The following SMOC2 variants were observed in gnomAD, a reference collection of about 807,000 sequenced individuals.
SMOC2 encodes the protein SPARC-related modular calcium-binding protein 2.
SMOC2 carries 39 observed loss-of-function variants against 61.4 expected under a neutral mutation model. The observed-to-expected ratio is 0.64, with a 90% CI of 0.49 to 0.83. SMOC2 has a LOEUF of 0.83. SMOC2 is among the 40% of genes least tolerant of loss of function. The pLI, the probability that SMOC2 is intolerant of heterozygous loss-of-function variation, is 0.00. For missense variants in SMOC2, 556 were observed against 592.9 expected, an observed-to-expected ratio of 0.94 and a Z score of 0.65; for synonymous variants, 247 against 239.9, an observed-to-expected ratio of 1.03 and a Z score of -0.27.
In SMOC2 at chr6:168,598,997, T is replaced by G; in HGVS notation, c.817T>G (p.Ser273Ala). Residue 273 changes from serine to alanine, a missense_variant, in exon 8 of 13, where the codon TCC (serine) becomes GCC (alanine). Physicochemically the swap from Ser to Ala is moderately conservative, Grantham distance 99 (BLOSUM62 1). Coordinates refer to ENST00000356284, the MANE Select transcript of SMOC2 (RefSeq NM_001166412.2). The stretch of plus-strand genomic sequence containing the variant: ...CACGGGGCGCCCCATTCCCGGCACA[T>G]CCACAAGGTAAATAGGGTGCACCCA... ...VDTGRPIPGT[S>A]TRYEQPKCDN... 1 of 1,601,026 alleles carries G rather than the reference T, an allele frequency of 6.2e-7. No homozygotes were observed. Among genetic ancestry groups the G allele is most frequent in the Non-Finnish European group, 8.5e-7 (1 of 1,173,622 alleles).
At chr6:168,617,212 C>G (rs35011571) in intron 9 of SMOC2, among the ~76,000 whole-genome samples, 23,013 of 152,060 alleles carry the variant, frequency 0.15, 2,122 homozygotes, top group Middle Eastern at 0.3. Context: ...AAAACAAGAA[C>G]AGGAATAGAG....
chr6:168,489,131 C>A (rs2115030577), intron 1 of SMOC2, among the ~76,000 whole-genome samples: 1 of 150,444 alleles, frequency 6.6e-6, no homozygotes, highest in East Asian at 2.0e-4. Context: ...TCTGGGTCCC[C>A]TTGGATCACA....
chr6:168,465,016 G>T (rs1309585599), intron 1 of SMOC2, among the ~76,000 whole-genome samples: 1 of 152,180 alleles, frequency 6.6e-6, no homozygotes, highest in Non-Finnish European at 1.5e-5. Flanking sequence ...GAGAGTGAGT[G>T]ACTTACGTCC....
At chr6:168,496,193 G>A (rs963511947) in intron 1 of SMOC2, among the ~76,000 whole-genome samples, 1 of 152,092 alleles carries the variant, frequency 6.6e-6, no homozygotes, top group African/African-American at 2.4e-5. Context: ...GAAGCTTTTC[G>A]GTACTCATCT....
chr6:168,639,536 G>C (rs1413230164), intron 9 of SMOC2, among the ~76,000 whole-genome samples: 1 of 152,072 alleles, frequency 6.6e-6, no homozygotes, highest in African/African-American at 2.4e-5. Flanking sequence ...TAGCTGTTTT[G>C]AAATATACAG....
rs11284179 is a variant in SMOC2 at position 168,623,329 on chromosome 6, A to ATTTTTTTTTTTTTTTTTTTTTTTTTT, written c.907+15109_907+15110insTTTTTTTTTTTTTTTTTTTTTTTTTT. On this transcript the variant is annotated intron_variant, in intron 9 of 12. Coordinates refer to ENST00000356284, the MANE Select transcript of SMOC2 (RefSeq NM_001166412.2). ...GTTTTGGCTGAGACATGGATAATTA[A>ATTTTTTTTTTTTTTTTTTTTTTTTTT]TTTTTTTTTTTTTTTTTTTGAGACA... Among the ~76,000 whole-genome samples, 7 of 129,108 alleles carry ATTTTTTTTTTTTTTTTTTTTTTTTTT rather than the reference A, an allele frequency of 5.4e-5. 1 individual carries two copies. The highest frequency in any genetic ancestry group is 3.2e-5 in the Non-Finnish European group (2 of 62,964). The allele number at this position is 129,108 out of a possible 152,430, so 84.7% of individuals were successfully genotyped here. A position where few individuals can be genotyped will look rare whatever the true frequency, so the allele number is the denominator to read the frequency against.
At chr6:168,655,967 G>C (rs1169618089) in intron 11 of SMOC2, among the ~76,000 whole-genome samples, 1 of 151,800 alleles carries the variant, frequency 6.6e-6, no homozygotes, top group Non-Finnish European at 1.5e-5. Flanking sequence ...GTGTGTGCTA[G>C]ATCCCACTGT....
chr6:168,551,451 A>G (rs938305210), intron 7 of SMOC2, among the ~76,000 whole-genome samples: 1 of 118,012 alleles, frequency 8.5e-6, no homozygotes, highest in Non-Finnish European at 1.9e-5. Context: ...TTATTTATTT[A>G]TTTATTTATT....
intron 10 of SMOC2, among the ~76,000 whole-genome samples, chr6:168,651,895 A>T (rs911606115): frequency 6.6e-6 from 1 of 151,920 alleles, no homozygotes; most frequent in Admixed American, 6.6e-5. Flanking sequence ...ACAAAACTTA[A>T]TCCAGCATGG....
At chr6:168,528,672 A>G (rs909719580) in intron 4 of SMOC2, among the ~76,000 whole-genome samples, 1 of 152,246 alleles carries the variant, frequency 6.6e-6, no homozygotes. Flanking sequence ...GAGGGTGTCC[A>G]CAGTCAGCAA....
intron 9 of SMOC2, among the ~76,000 whole-genome samples, chr6:168,636,849 T>C (rs73242472): frequency 0.19 from 23,377 of 124,820 alleles, 2,593 homozygotes; most frequent in East Asian, 0.5. Context: ...ATATGCCTCC[T>C]GCCTCCCTCC....
intron 2 of SMOC2, among the ~76,000 whole-genome samples, chr6:168,512,964 T>G (rs1374813188): frequency 2.0e-5 from 3 of 152,226 alleles, no homozygotes; most frequent in Non-Finnish European, 4.4e-5. Context: ...CAAATTTCAC[T>G]GTAGTAGAAA....
chr6:168,456,942 GCAA>G (rs943219739), intron 1 of SMOC2, among the ~76,000 whole-genome samples: 1 of 152,188 alleles, frequency 6.6e-6, no homozygotes, highest in Admixed American at 6.5e-5. Flanking sequence ...CAGGGGAAAA[GCAA>G]CAACAAGACT....
At chr6:168,565,764 C>T (rs866584333) in intron 7 of SMOC2, among the ~76,000 whole-genome samples, 2 of 152,198 alleles carry the variant, frequency 1.3e-5, no homozygotes, top group African/African-American at 4.8e-5. Context: ...CATCACCCTT[C>T]TTTCTGCAAT....
At chr6:168,512,283 C>T (rs965312626) in intron 2 of SMOC2, among the ~76,000 whole-genome samples, 1 of 152,106 alleles carries the variant, frequency 6.6e-6, no homozygotes, top group Non-Finnish European at 1.5e-5. Flanking sequence ...TGCTGTTCTG[C>T]ACGGCGCATG....
chr6:168,557,716 T>A (rs1279694788), intron 7 of SMOC2, among the ~76,000 whole-genome samples: 1 of 152,188 alleles, frequency 6.6e-6, no homozygotes, highest in African/African-American at 2.4e-5. Context: ...CGTCACTAGT[T>A]GCTCATGGGT....
At chr6:168,497,975 T>C (rs1285626885) in intron 1 of SMOC2, among the ~76,000 whole-genome samples, 1 of 152,100 alleles carries the variant, frequency 6.6e-6, no homozygotes, top group Non-Finnish European at 1.5e-5. Flanking sequence ...CGCTGGGCCA[T>C]TTTGTCGTAC....
chr6:168,519,961 C>T (rs1783290541), intron 2 of SMOC2, among the ~76,000 whole-genome samples: 1 of 151,862 alleles, frequency 6.6e-6, no homozygotes, highest in Non-Finnish European at 1.5e-5. Flanking sequence ...TTGTTTCTGC[C>T]TTTATGCATT....
chr6:168,612,021 C>T (rs191090988), intron 9 of SMOC2, among the ~76,000 whole-genome samples: 3 of 152,274 alleles, frequency 2.0e-5, no homozygotes, highest in Admixed American at 6.5e-5. Flanking sequence ...CGAGGTGGAA[C>T]GAAGGATGTA....
Sources: allele counts gnomAD v4.1 joint callset (sites outside exome capture counted in the v4.1 genomes callset), GRCh38; gene constraint gnomAD v4.1.1; transcripts MANE v1.5; gene names NCBI Gene and HGNC (gene_info 2026-07-23, HGNC 2026-07-21).